Variants in COL18A1 observed in about 807,000 individuals in gnomAD.
The protein encoded by COL18A1 is collagen alpha-1(XVIII) chain.
COL18A1 carries 133 observed loss-of-function variants against 168.0 expected under a neutral mutation model. The ratio of observed to expected loss-of-function variants is 0.79; its 90% CI spans 0.69 to 0.91. COL18A1 has a LOEUF of 0.91. Among genes scored for constraint, COL18A1 ranks in the 40% least tolerant of loss-of-function variants. The probability of loss-of-function intolerance (pLI) is 0.00; values close to 1 mark genes in which losing one functional copy is unlikely to be tolerated. For synonymous variants in COL18A1, 949 were observed against 809.0 expected, an observed-to-expected ratio of 1.17 and a Z score of -2.94; for missense variants, 2,126 against 1,925.4, an observed-to-expected ratio of 1.10 and a Z score of -1.95.
intron 1 of COL18A1, 65 bp from the exon 2 acceptor site, chr21:45,405,314 C>CGGCTGGGTCCTGCGGGGGTCGCGGGGG: frequency 2.7e-6 from 1 of 368,508 alleles, no homozygotes; most frequent in Non-Finnish European, 3.4e-6. Flanking sequence ...GGTCGCGGGG[C>CGGCTGGGTCCTGCGGGGGTCGCGGGGG]TCGGCCGGGT....
rs2145852692 is a variant in COL18A1, at chr21:45,456,060, C to T, written c.107-12182C>T. ...TGGCCCAGCCGTGGCATTCCTAGCT[C>T]TCCGGGCGCCCACACAACCGAGGCT... On this transcript the variant is annotated intron_variant, in intron 2 of 41. Coordinates refer to ENST00000651438, the MANE Select transcript of COL18A1 (RefSeq NM_001379500.1). 1.2e-6 allele frequency: 2 copies of T among 1,605,850 alleles called. No individual in the cohort carries two copies. The highest frequency in any genetic ancestry group is 1.7e-6 in the Non-Finnish European group (2 of 1,174,522).
rs534739810 is a variant in COL18A1 at position 45,452,635 on chromosome 21, C to CATGT, written c.107-15606_107-15603dup. On this transcript the variant is annotated intron_variant, in intron 2 of 41. Transcript: ENST00000651438. ...TGAGCATTTGTATCTGACATGTAAGCATGTGTGTGTGAGCTTGTGTATGCA... is the reference window on the plus strand; with the variant it reads ...TGAGCATTTGTATCTGACATGTAAGCATGTATGTGTGTGTGAGCTTGTGTATGCA... Among the ~76,000 whole-genome samples the CATGT allele has an allele frequency of 1.7e-3, 237 of 141,546 alleles. 1 individual carries two copies. The highest frequency in any genetic ancestry group is 6.2e-3 in the African/African-American group (229 of 37,110). The allele number at this position is 141,546 out of a possible 152,430, so 92.9% of individuals were successfully genotyped here.
intron 2 of COL18A1, among the ~76,000 whole-genome samples, chr21:45,441,552 T>G (rs536022526): frequency 2.8e-4 from 43 of 152,260 alleles, no homozygotes; most frequent in African/African-American, 1.0e-3. Context: ...TGCTGCCCGG[T>G]GGCTCTGGCC....
Position 45,512,553 on chromosome 21 carries a change from G to A in COL18A1, c.*155G>A. 1.4e-6 allele frequency: 1 copy of A among 705,982 alleles called. No individual in the cohort carries two copies. The highest frequency in any genetic ancestry group is 1.8e-5 in the South Asian group (1 of 56,484). 43.7% of individuals were successfully genotyped at this position (705,982 alleles called of 1,614,324 possible). ...TCATGTAATCCTCAAGAAATAAAAGGAAGCCAAAGAGTGTATTTTTTTAAA... is the reference window on the plus strand; with the variant it reads ...TCATGTAATCCTCAAGAAATAAAAGAAAGCCAAAGAGTGTATTTTTTTAAA... On this transcript the variant is annotated 3_prime_UTR_variant, in exon 42 of 42. Transcript: ENST00000651438.
In COL18A1 at chr21:45,405,412, C is replaced by A. The variant is rs1269352377; in HGVS notation, c.45C>A (p.Leu15=). ...CPWPWPRRRR[L]LDVLAPLVLL... ...GGCCATGGCCGCGGCGGCGGCGCCT[C>A]CTGGACGTGCTCGCGCCCCTGGTCC... Residue 15 remains leucine (L), a synonymous_variant, in exon 2 of 42, where the codon CTC becomes CTA. Transcript: ENST00000651438. 3 of 1,355,226 alleles carry A rather than the reference C, an allele frequency of 2.2e-6. No individual in the cohort carries two copies. Among genetic ancestry groups the A allele is most frequent in the East Asian group, 3.4e-5 (1 of 29,522 alleles). 84.0% of individuals were successfully genotyped at this position (1,355,226 alleles called of 1,614,324 possible).
intron 2 of COL18A1, among the ~76,000 whole-genome samples, chr21:45,450,547 G>A (rs1430603651): frequency 6.6e-6 from 1 of 152,200 alleles, no homozygotes; most frequent in Non-Finnish European, 1.5e-5. Context: ...GTGGATGTTT[G>A]TACCTTTTTA....
At chr21:45,411,464 G>C (rs1333044091) in intron 2 of COL18A1, among the ~76,000 whole-genome samples, 1 of 152,126 alleles carries the variant, frequency 6.6e-6, no homozygotes, top group Non-Finnish European at 1.5e-5. Context: ...TTCTGTGTGC[G>C]AGAGGCCGTG....
intron 2 of COL18A1, among the ~76,000 whole-genome samples, chr21:45,461,099 C>T (rs2035027809): frequency 6.6e-6 from 1 of 152,172 alleles, no homozygotes; most frequent in Non-Finnish European, 1.5e-5. Context: ...GTTTGAAGTG[C>T]CATATGCGAT....
intron 2 of COL18A1, among the ~76,000 whole-genome samples, chr21:45,432,583 C>T (rs1237372290): frequency 2.0e-5 from 3 of 152,196 alleles, no homozygotes; most frequent in Admixed American, 6.5e-5. Context: ...TAACATCTGC[C>T]GCATCTCAGA....
At position 45,473,147 on chromosome 21, in the gene COL18A1, A is replaced by G. The variant is rs8128819; in HGVS notation, c.652-748A>G. 0.5 allele frequency among the ~76,000 whole-genome samples: 76,824 copies of G among 152,168 alleles called. 21,712 individuals are homozygous for G. Among genetic ancestry groups the G allele is most frequent in the African/African-American group, 0.78 (32,317 of 41,544 alleles). On this transcript the variant is annotated intron_variant, in intron 3 of 41. Transcript: ENST00000651438. This position sits in a 1 kb window ranked among gnomAD's most constrained non-coding sequence, Gnocchi z 4.0. ...GCGTCCTCTCCCCACCAGGCAAGCT[A>G]CCCGCTTGAGGCTTAGGACGTTGCG...
chr21:45,506,970 T>TC, intron 37 of COL18A1: 1 of 270,812 alleles, frequency 3.7e-6, no homozygotes, highest in South Asian at 3.6e-5. Context: ...CCAGGTGTGC[T>TC]TGTAGGCACC....
At chr21:45,477,666 G>T in intron 7 of COL18A1, 84 bp from the exon 8 acceptor site, 4 of 1,375,470 alleles carry the variant, frequency 2.9e-6, no homozygotes, top group Non-Finnish European at 2.0e-6. Flanking sequence ...CCCAGCCTGG[G>T]ACTCTGGAGG....
Position 45,405,320 on chromosome 21 carries a change from C to CCTGCGG in COL18A1, c.12-59_12-58insCTGCGG, listed in dbSNP as rs1569270282. On this transcript the variant is annotated intron_variant, in intron 1 of 41. Transcript: ENST00000651438. Reference sequence around the variant, plus strand: ...GGTCGCGGGGGTCGCGGGGCTCGGCCGGGTCCTGCGGGGGTCGCGGGGGTC... The same window carrying CCTGCGG: ...GGTCGCGGGGGTCGCGGGGCTCGGCCCTGCGGGGGTCCTGCGGGGGTCGCGGGGGTC... 0.062 allele frequency: 23,863 copies of CCTGCGG among 384,292 alleles called. 648 individuals are homozygous for CCTGCGG. The highest frequency in any genetic ancestry group is 0.24 in the African/African-American group (4,928 of 20,142). 23.8% of individuals were successfully genotyped at this position (384,292 alleles called of 1,614,324 possible).
intron 6 of COL18A1, among the ~76,000 whole-genome samples, chr21:45,476,918 G>GTT (rs539149670): frequency 0.015 from 1,888 of 125,004 alleles, 13 homozygotes; most frequent in African/African-American, 0.028. Flanking sequence ...TGTATTATGT[G>GTT]TTTTGTGTGT....
chr21:45,446,651 A>G (rs2034511122), intron 2 of COL18A1, among the ~76,000 whole-genome samples: 1 of 152,232 alleles, frequency 6.6e-6, no homozygotes, highest in Non-Finnish European at 1.5e-5. Context: ...AATTCATTTT[A>G]TGAGACCAAT....
rs2037591069 is a variant in COL18A1, at chr21:45,511,237, A to C, written c.3809+11A>C. 1 of 1,464,330 alleles carries C rather than the reference A, an allele frequency of 6.8e-7. No individual in the cohort carries two copies. Among genetic ancestry groups the C allele is most frequent in the African/African-American group, 1.4e-5 (1 of 71,652 alleles). The allele number at this position is 1,464,330 out of a possible 1,614,324, so 90.7% of individuals were successfully genotyped here. ...GAGGCACCCCACCTGGTAGGTTCCC[A>C]GTGCCGTGTGAGCAGCTCTGAGAGC... On this transcript the variant is annotated intron_variant, in intron 41 of 41. Transcript: ENST00000651438.
At chr21:45,478,035 C>T (rs1206387934) in intron 8 of COL18A1, 70 bp downstream of exon 8, 2 of 867,116 alleles carry the variant, frequency 2.3e-6, no homozygotes, top group Non-Finnish European at 1.8e-6. Flanking sequence ...GGGGGAGAGG[C>T]TGCGGCCGAC....
rs575217364 is a variant in COL18A1 at position 45,506,608 on chromosome 21, G to C, written c.3216+642G>C. ...GGAAGGTTTACCTTCGTGTGGCAAA[G>C]GTGAGGACGGGTAGAAGCCCCATGC... On this transcript the variant is annotated intron_variant, in intron 37 of 41. Transcript: ENST00000651438. The C allele has an allele frequency of 9.1e-4, 163 of 178,622 alleles. 1 individual carries two copies. Among genetic ancestry groups the C allele is most frequent in the African/African-American group, 3.5e-3 (149 of 42,338 alleles). 11.1% of individuals were successfully genotyped at this position (178,622 alleles called of 1,614,324 possible). A position where few individuals can be genotyped will look rare whatever the true frequency, so the allele number is the denominator to read the frequency against.
chr21:45,466,571 C>T (rs1180585268), intron 2 of COL18A1, among the ~76,000 whole-genome samples: 1 of 152,210 alleles, frequency 6.6e-6, no homozygotes, highest in African/African-American at 2.4e-5. Flanking sequence ...TGGGCCTGTA[C>T]CTCGGGGAGT....
Sources: allele counts gnomAD v4.1 joint callset (sites outside exome capture counted in the v4.1 genomes callset), GRCh38; gene constraint gnomAD v4.1.1; non-coding constraint Gnocchi (gnomAD v3.1); transcripts MANE v1.5; gene names NCBI Gene and HGNC (gene_info 2026-07-23, HGNC 2026-07-21).